Variants in CXXC4 observed in about 807,000 individuals in gnomAD.
CXXC4 encodes CXXC finger protein 4, also known as CXXC-type zinc finger protein 4.
Under a neutral mutation model 20.5 loss-of-function variants are expected in CXXC4, and 5 were observed. The observed-to-expected ratio is 0.24, with a 90% CI of 0.13 to 0.51. The LOEUF is 0.51. Ranked by LOEUF, CXXC4 falls within the 20% of genes least tolerant of loss-of-function variation. The pLI is 0.97. For missense variants in CXXC4, 419 were observed against 496.4 expected, an observed-to-expected ratio of 0.84 and a Z score of 1.48; for synonymous variants, 250 against 216.4, an observed-to-expected ratio of 1.16 and a Z score of -1.36.
chr4:104,494,476 G>C (rs1329206490), intron 1 of CXXC4: 1 of 152,070 alleles, frequency 6.6e-6, no homozygotes, highest in Non-Finnish European at 1.5e-5. Flanking sequence ...AGAAAAAAAA[G>C]CCAGAGAAAG....
chr4:104,491,086 G>C lies in CXXC4; in HGVS notation c.717C>G (p.Ile239Met). The C allele has an allele frequency of 6.2e-7, 1 of 1,614,140 alleles. No individual in the cohort carries two copies. Among genetic ancestry groups the C allele is most frequent in the South Asian group, 1.1e-5 (1 of 91,088 alleles). ...LPERVGTFSA[I>M]PALGGISLPP... ...GTAATGAGATGCCCCCTAAAGCCGGGATAGCGGAAAAAGTCCCCACGCGCT... is the reference window on the plus strand; with the variant it reads ...GTAATGAGATGCCCCCTAAAGCCGGCATAGCGGAAAAAGTCCCCACGCGCT... The change falls in exon 2 of 3, where the codon ATC becomes ATG. Residue 239 changes from isoleucine to methionine, a missense_variant. This residue lies in a region of CXXC4 where 388 missense variants were observed against 416.0 expected (regional missense o/e 0.93). Transcript: ENST00000394767.
At chr4:104,493,928 A>G (rs1031060692) in intron 1 of CXXC4, among the ~76,000 whole-genome samples, 1 of 152,182 alleles carries the variant, frequency 6.6e-6, no homozygotes, top group African/African-American at 2.4e-5. Flanking sequence ...TCAACCTTTT[A>G]GTCTTTTGAC....
rs1216214807 is a variant in CXXC4, at chr4:104,491,454, C to T, written c.349G>A (p.Gly117Ser). Residue 117 changes from glycine (G) to serine (S), a missense_variant, in exon 2 of 3, where the codon GGT (glycine) becomes AGT (serine). Coordinates refer to ENST00000394767, the MANE Select transcript of CXXC4 (RefSeq NM_025212.4). The stretch of plus-strand genomic sequence containing the variant: ...CCGCCGCCGCCGCCGCCGCCGCCAC[C>T]CCCCCCGCCGCCGCCCCCGCCCCCG... The part of the protein sequence containing the change: ...SGGGGGGGGG[G>S]GGGGGGGGGG... 3.2e-6 allele frequency: 3 copies of T among 923,184 alleles called. No homozygotes were observed. The highest frequency in any genetic ancestry group is 4.0e-6 in the Non-Finnish European group (3 of 748,670). 57.2% of individuals were successfully genotyped at this position (923,184 alleles called of 1,614,324 possible).
intron 2 of CXXC4, among the ~76,000 whole-genome samples, chr4:104,479,870 G>A (rs918149171): frequency 2.7e-5 from 4 of 146,500 alleles, no homozygotes; most frequent in African/African-American, 5.0e-5. Flanking sequence ...GCCATCATAC[G>A]GAATGCTCAA....
chr4:104,478,980 T>C lies in CXXC4; in HGVS notation c.1060-6614A>G, dbSNP rs148276127. On this transcript the variant is annotated intron_variant, in intron 2 of 2. Transcript: ENST00000394767. ...TATGGTTATAGACTCTAAATAAATA[T>C]GTGTGTGTATATATATATGAATATA... Among the ~76,000 whole-genome samples, 973 of 152,150 alleles carry C rather than the reference T, an allele frequency of 6.4e-3. 12 individuals are homozygous for C. Among genetic ancestry groups the C allele is most frequent in the African/African-American group, 0.022 (896 of 41,536 alleles).
intron 2 of CXXC4, among the ~76,000 whole-genome samples, chr4:104,477,665 G>T (rs1736448917): frequency 6.6e-6 from 1 of 151,784 alleles, no homozygotes; most frequent in African/African-American, 2.4e-5. Context: ...AACTATTAAT[G>T]ATTATCACAC....
chr4:104,480,348 T>C (rs1453777079), intron 2 of CXXC4, among the ~76,000 whole-genome samples: 1 of 152,164 alleles, frequency 6.6e-6, no homozygotes, highest in Non-Finnish European at 1.5e-5. Flanking sequence ...TAGCCTTTTT[T>C]ATATGCACGA....
chr4:104,478,344 T>C (rs999969361), intron 2 of CXXC4, among the ~76,000 whole-genome samples: 2 of 152,132 alleles, frequency 1.3e-5, no homozygotes, highest in African/African-American at 4.8e-5. Flanking sequence ...GTAAAGGCAC[T>C]AAGTCAAGTC....
chr4:104,472,514 A>T, intron 2 of CXXC4, 148 bp from the exon 3 acceptor site: 5 of 510,580 alleles, frequency 9.8e-6, no homozygotes, highest in Non-Finnish European at 1.4e-5. Flanking sequence ...AAAAAGAAGA[A>T]ATGCTCAATC....
intron 2 of CXXC4, among the ~76,000 whole-genome samples, chr4:104,481,032 T>C (rs941143378): frequency 3.9e-5 from 6 of 152,098 alleles, no homozygotes; most frequent in Non-Finnish European, 5.9e-5. Flanking sequence ...ACAGAAAATA[T>C]AATACTACAG....
Position 104,478,747 on chromosome 4 carries a change from T to G in CXXC4, c.1060-6381A>C, listed in dbSNP as rs1736479958. ...GAAAATCTTTCAATAATTCACAAAT[T>G]TAAAAGGTATTTATCAAAGCAATGT... On this transcript the variant is annotated intron_variant, in intron 2 of 2. Transcript: ENST00000394767. 4.6e-5 allele frequency among the ~76,000 whole-genome samples: 7 copies of G among 152,010 alleles called. 1 individual carries two copies. The South Asian group carries it at 1.5e-3, about 32-fold the overall frequency.
rs1343667518 is a variant in CXXC4, at chr4:104,468,904, T to G, written c.*3418A>C. The G allele has an allele frequency of 1.3e-5, 2 of 152,080 alleles. No individual in the cohort carries two copies. The highest frequency in any genetic ancestry group is 2.9e-5 in the Non-Finnish European group (2 of 67,980). 9.4% of individuals were successfully genotyped at this position (152,080 alleles called of 1,614,324 possible). On this transcript the variant is annotated 3_prime_UTR_variant, in exon 3 of 3. Coordinates refer to ENST00000394767, the MANE Select transcript of CXXC4 (RefSeq NM_025212.4). ...CTTAAAGACTTTATATGCTTTAGCA[T>G]TAATTGCACAACTTACATATCAGGG...
In CXXC4 at chr4:104,472,140, A is replaced by G. The variant is rs1736290545; in HGVS notation, c.*182T>C. 4.8e-6 allele frequency: 2 copies of G among 414,168 alleles called. No individual in the cohort carries two copies. The highest frequency in any genetic ancestry group is 2.1e-5 in the African/African-American group (1 of 47,562). The allele number at this position is 414,168 out of a possible 1,614,324, so 25.7% of individuals were successfully genotyped here. On this transcript the variant is annotated 3_prime_UTR_variant, in exon 3 of 3. Transcript: ENST00000394767. Reference sequence around the variant, plus strand: ...ACTGGCCAATTCTCCAAGCTCTCACATTATTTTTATGTCTTTTTCTTTTCT... The same window carrying G: ...ACTGGCCAATTCTCCAAGCTCTCACGTTATTTTTATGTCTTTTTCTTTTCT...
At chr4:104,486,815 C>T (rs1239316801) in intron 2 of CXXC4, among the ~76,000 whole-genome samples, 1 of 152,210 alleles carries the variant, frequency 6.6e-6, no homozygotes, top group African/African-American at 2.4e-5. Flanking sequence ...TATTTTACAT[C>T]TGGTCTACAA....
chr4:104,476,118 G>T (rs1736396875), intron 2 of CXXC4, among the ~76,000 whole-genome samples: 1 of 151,922 alleles, frequency 6.6e-6, no homozygotes, highest in Non-Finnish European at 1.5e-5. Context: ...TTGAATAAAA[G>T]AATGATAAAA....
intron 2 of CXXC4, among the ~76,000 whole-genome samples, chr4:104,488,489 C>A (rs906844038): frequency 4.6e-5 from 7 of 152,130 alleles, no homozygotes; most frequent in Non-Finnish European, 1.0e-4. Flanking sequence ...TTTCTTTTAG[C>A]CAAATAGTAT....
In CXXC4 at chr4:104,491,459, CCG is replaced by C; in HGVS notation, c.342_343del (p.Gly117TrpfsTer79). The C allele has an allele frequency of 6.5e-6, 6 of 924,208 alleles. No homozygotes were observed. The highest frequency in any genetic ancestry group is 6.2e-5 in the East Asian group (1 of 16,058). The allele number at this position is 924,208 out of a possible 1,614,324, so 57.3% of individuals were successfully genotyped here. A position where few individuals can be genotyped will look rare whatever the true frequency, so the allele number is the denominator to read the frequency against. ...GCCGCCGCCGCCGCCGCCACCCCCCCCGCCGCCGCCCCCGCCCCCGCCGCTGC... is the reference window on the plus strand; with the variant it reads ...GCCGCCGCCGCCGCCGCCACCCCCCCCCGCCGCCCCCGCCCCCGCCGCTGC... On this transcript the variant is annotated frameshift_variant, in exon 2 of 3. Transcript: ENST00000394767. LOFTEE classifies it high-confidence loss of function.
At chr4:104,493,043 G>A (rs925642984) in intron 1 of CXXC4, among the ~76,000 whole-genome samples, 4 of 133,096 alleles carry the variant, frequency 3.0e-5, no homozygotes, top group East Asian at 4.9e-4. Context: ...TTTACATTGA[G>A]TAAAAGGGGG....
intron 2 of CXXC4, among the ~76,000 whole-genome samples, chr4:104,487,375 T>A (rs1736726835): frequency 1.3e-5 from 2 of 152,204 alleles, no homozygotes; most frequent in African/African-American, 4.8e-5. Flanking sequence ...TCATGTCACC[T>A]GAACAATGTT....
Sources: allele counts gnomAD v4.1 joint callset (sites outside exome capture counted in the v4.1 genomes callset), GRCh38; gene constraint gnomAD v4.1.1; regional missense constraint gnomAD v4.1.1; transcripts MANE v1.5; gene names NCBI Gene and HGNC (gene_info 2026-07-23, HGNC 2026-07-21).